HERC3: variants seen among roughly 807,000 people sequenced by gnomAD.
HERC3 encodes probable E3 ubiquitin-protein ligase HERC3.
HERC3 carries 58 observed loss-of-function variants against 129.9 expected under a neutral mutation model. The observed-to-expected ratio is 0.45, with a 90% confidence interval of 0.36 to 0.56. HERC3 has a LOEUF of 0.56. Among genes scored for constraint, HERC3 ranks in the 20% least tolerant of loss-of-function variants. HERC3 has a pLI of 0.00. For missense variants in HERC3, 835 were observed against 1,244.2 expected (o/e 0.67, Z 4.95); for synonymous variants, 430 against 451.0 (o/e 0.95, Z 0.59).
At chr4:88,613,153 G>A (rs1220144180) in intron 3 of HERC3, among the ~76,000 whole-genome samples, 2 of 152,168 alleles carry the variant, frequency 1.3e-5, no homozygotes, top group South Asian at 2.1e-4. Flanking sequence ...GACAAGAACC[G>A]TGGTAGGGGC....
intron 23 of HERC3, chr4:88,692,814 G>A (rs1734210551): frequency 1.2e-6 from 1 of 812,280 alleles, no homozygotes. Context: ...GGTGGTTTGA[G>A]TTAGACTGCG....
chr4:88,584,395 C>T, the HERC3 span, among the ~76,000 whole-genome samples: 2 of 152,080 alleles, frequency 1.3e-5, no homozygotes, highest in Admixed American at 6.6e-5. Flanking sequence ...TAACATGGCC[C>T]GGGGTGCACG....
chr4:88,621,091 CAT>C (rs1171510313), intron 3 of HERC3, among the ~76,000 whole-genome samples: 1 of 152,100 alleles, frequency 6.6e-6, no homozygotes, highest in Admixed American at 6.6e-5. Flanking sequence ...TTGTGTGGCA[CAT>C]AGTGAGTGCA....
At chr4:88,623,151 TG>T (rs562616039) in intron 3 of HERC3, among the ~76,000 whole-genome samples, 118 of 152,350 alleles carry the variant, frequency 7.7e-4, no homozygotes, top group African/African-American at 2.7e-3. Context: ...CAGATTCACC[TG>T]GGCAACTTCA....
chr4:88,670,555 G>A (rs1211260070), intron 16 of HERC3, among the ~76,000 whole-genome samples: 2 of 152,154 alleles, frequency 1.3e-5, no homozygotes, highest in Non-Finnish European at 2.9e-5. Context: ...AGGGGCTGGA[G>A]GCAGGGGAAA....
At position 88,670,225 on chromosome 4, in the gene HERC3, C is replaced by T. The variant is rs538462394; in HGVS notation, c.1884C>T (p.Leu628=). The T allele has an allele frequency of 2.5e-6, 4 of 1,611,224 alleles. No homozygotes were observed. The highest frequency in any genetic ancestry group is 2.2e-5 in the South Asian group (2 of 90,996). Reference sequence around the variant, plus strand: ...TCGTGGACATTCAGGAAGACTACCTCATGTGGTTCTTGCATCAAGCAGGGA... The same window carrying T: ...TCGTGGACATTCAGGAAGACTACCTTATGTGGTTCTTGCATCAAGCAGGGA... ...SNLVDIQEDY[L]MWFLHQAGMK... The change falls in exon 16 of 26, where the codon CTC becomes CTT. Residue 628 remains leucine (L), a synonymous_variant. Coordinates refer to ENST00000402738, the MANE Select transcript of HERC3 (RefSeq NM_014606.3).
At position 88,653,100 on chromosome 4, in the gene HERC3, C is replaced by G; in HGVS notation, c.685+10C>G. On this transcript the variant is annotated intron_variant, in intron 6 of 25. Coordinates refer to ENST00000402738, the MANE Select transcript of HERC3 (RefSeq NM_014606.3). The stretch of plus-strand genomic sequence containing the variant: ...CTCAGTGATGAAAAAGGTAGGTAAA[C>G]CCTTCATATGTATGTATTTAGTTTA... 1.9e-6 allele frequency: 3 copies of G among 1,612,650 alleles called. No individual in the cohort carries two copies.
intron 3 of HERC3, among the ~76,000 whole-genome samples, chr4:88,647,243 A>G (rs1441045713): frequency 6.6e-6 from 1 of 152,146 alleles, no homozygotes; most frequent in Non-Finnish European, 1.5e-5. Flanking sequence ...GGGAAAGAAA[A>G]CGGCAGACAG....
chr4:88,563,670 T>TG, the HERC3 span, among the ~76,000 whole-genome samples: 1 of 151,964 alleles, frequency 6.6e-6, no homozygotes, highest in African/African-American at 2.4e-5. Context: ...TTTTTTTTTT[T>TG]TTTTTAGACG....
the HERC3 span, among the ~76,000 whole-genome samples, chr4:88,568,799 G>A: frequency 6.6e-6 from 1 of 151,972 alleles, no homozygotes. Flanking sequence ...ACTTTTCCTG[G>A]TGCCCTCTTC....
At chr4:88,662,983 T>C (rs1294612152) in intron 11 of HERC3, among the ~76,000 whole-genome samples, 2 of 150,404 alleles carry the variant, frequency 1.3e-5, no homozygotes, top group Non-Finnish European at 2.9e-5. Flanking sequence ...ATTGAGATGG[T>C]AATTCAGAGT....
intron 16 of HERC3, among the ~76,000 whole-genome samples, chr4:88,675,496 C>T (rs2860291): frequency 1.3e-5 from 2 of 151,986 alleles, no homozygotes; most frequent in Admixed American, 6.6e-5. Context: ...TCAACATAAC[C>T]TATATTGTTG....
At chr4:88,629,330 A>G (rs1322407743) in intron 3 of HERC3, among the ~76,000 whole-genome samples, 1 of 152,064 alleles carries the variant, frequency 6.6e-6, no homozygotes, top group East Asian at 1.9e-4. Flanking sequence ...TCTTTCCAGT[A>G]TTTTTCTTAA....
chr4:88,690,918 G>A (rs1430563256), intron 23 of HERC3, among the ~76,000 whole-genome samples: 2 of 152,184 alleles, frequency 1.3e-5, no homozygotes, highest in African/African-American at 4.8e-5. Flanking sequence ...AGTTTGTTTA[G>A]GGTGATAAGC....
At chr4:88,673,736 A>G (rs1390382379) in intron 16 of HERC3, among the ~76,000 whole-genome samples, 1 of 152,266 alleles carries the variant, frequency 6.6e-6, no homozygotes, top group Non-Finnish European at 1.5e-5. Flanking sequence ...CAGTATTCAC[A>G]GAATAAAAAT....
chr4:88,579,486 G>T, the HERC3 span, among the ~76,000 whole-genome samples: 1 of 152,196 alleles, frequency 6.6e-6, no homozygotes, highest in South Asian at 2.1e-4. Flanking sequence ...GCCTTGGAAT[G>T]GGTATGGGGA....
chr4:88,534,206 G>A, the HERC3 span, among the ~76,000 whole-genome samples: 1 of 152,216 alleles, frequency 6.6e-6, no homozygotes, highest in African/African-American at 2.4e-5. Context: ...ACTTTTAGTA[G>A]CAAGACTCCA....
At chr4:88,585,484 T>A in the HERC3 span, among the ~76,000 whole-genome samples, 1 of 151,990 alleles carries the variant, frequency 6.6e-6, no homozygotes, top group Non-Finnish European at 1.5e-5. Flanking sequence ...CTGGCTATCA[T>A]TCTATTGATG....
chr4:88,664,944 G>A (rs978305710), intron 12 of HERC3, among the ~76,000 whole-genome samples: 2 of 152,128 alleles, frequency 1.3e-5, no homozygotes, highest in Non-Finnish European at 2.9e-5. Context: ...GGAACCTGAT[G>A]CAGCAAAAGA....
Sources: gnomAD v4.1 joint callset for allele counts (sites outside exome capture counted in the v4.1 genomes callset) on GRCh38, gnomAD v4.1.1 for gene constraint, MANE v1.5 for transcripts, NCBI Gene and HGNC (gene_info 2026-07-23, HGNC 2026-07-21) for gene names.